The following FOXO3 variants were observed in gnomAD, a reference collection of about 807,000 sequenced individuals.
The protein encoded by FOXO3 is forkhead box protein O3.
FOXO3 carries 4 observed loss-of-function variants against 41.9 expected under a neutral mutation model. The ratio of observed to expected loss-of-function variants is 0.10; its 90% CI spans 0.05 to 0.22. FOXO3 has a LOEUF of 0.22. Ranked by LOEUF, FOXO3 falls within the 10% of genes least tolerant of loss-of-function variation. FOXO3 has a pLI of 1.00. For synonymous variants in FOXO3, 318 were observed against 389.3 expected, an observed-to-expected ratio of 0.82 and a Z score of 2.16; for missense variants, 534 against 906.8, an observed-to-expected ratio of 0.59 and a Z score of 5.28.
In FOXO3 at chr6:108,652,373, C is replaced by T. The variant is rs1422662336; in HGVS notation, c.622-11082C>T. ...GGCTCCAACAAGGCTTGCTTCATGG[C>T]TTATCATTTTTCCACATTTTCCATC... On this transcript the variant is annotated intron_variant, in intron 1 of 2. Transcript: ENST00000406360. Among the ~76,000 whole-genome samples, 4 of 152,190 alleles carry T rather than the reference C, an allele frequency of 2.6e-5. No homozygotes were observed. In the South Asian group the frequency reaches 8.3e-4, roughly 32 times the overall value.
intron 1 of FOXO3, among the ~76,000 whole-genome samples, chr6:108,589,081 C>T (rs1310935085): frequency 6.6e-6 from 1 of 152,070 alleles, no homozygotes; most frequent in South Asian, 2.1e-4. Flanking sequence ...GATGCAAATC[C>T]GTCTTAAGGA....
chr6:108,629,201 A>T (rs965995508), intron 1 of FOXO3, among the ~76,000 whole-genome samples: 1 of 152,218 alleles, frequency 6.6e-6, no homozygotes, highest in African/African-American at 2.4e-5. Context: ...AGCAACAGTC[A>T]GAGGGTGGTG....
intron 1 of FOXO3, among the ~76,000 whole-genome samples, chr6:108,596,748 C>A (rs566298729): frequency 6.6e-6 from 1 of 152,282 alleles, no homozygotes; most frequent in Admixed American, 6.5e-5. Flanking sequence ...CTGGAAAATA[C>A]TTAATATACA....
rs1484797124 is a variant in FOXO3, at chr6:108,610,987, C to CA, written c.621+49164dup. ...AAACATTTCAAACATTTCATCGCCA[C>CA]AAAAAATTCCCTCATGGCTTATTTT... On this transcript the variant is annotated intron_variant, in intron 1 of 2. Transcript: ENST00000406360. Among the ~76,000 whole-genome samples the CA allele has an allele frequency of 6.6e-5, 10 of 152,282 alleles. No individual in the cohort carries two copies. The East Asian group carries it at 1.3e-3, about 21-fold the overall frequency.
At chr6:108,561,878 C>T (rs757206816) in intron 1 of FOXO3, 49 bp downstream of exon 1, 1 of 1,492,234 alleles carries the variant, frequency 6.7e-7, no homozygotes, top group South Asian at 1.3e-5. Context: ...GCCTCCTGCG[C>T]AGCGCGAGAC....
intron 1 of FOXO3, among the ~76,000 whole-genome samples, chr6:108,629,636 C>T (rs1307244508): frequency 6.6e-6 from 1 of 152,040 alleles, no homozygotes; most frequent in Non-Finnish European, 1.5e-5. Flanking sequence ...AGTAAAACCT[C>T]TCCGGCAGAA....
intron 1 of FOXO3, among the ~76,000 whole-genome samples, chr6:108,588,202 G>T (rs151084135): frequency 6.6e-6 from 1 of 152,286 alleles, no homozygotes; most frequent in African/African-American, 2.4e-5. Context: ...CATAAAGTGT[G>T]TGTTGTTTTT....
At chr6:108,572,389 G>A (rs1776126694) in intron 1 of FOXO3, among the ~76,000 whole-genome samples, 1 of 152,198 alleles carries the variant, frequency 6.6e-6, no homozygotes. Context: ...GTGTCCTATG[G>A]TTGGTTCAAG....
intron 1 of FOXO3, among the ~76,000 whole-genome samples, chr6:108,580,679 C>G (rs1776393136): frequency 6.6e-6 from 1 of 152,172 alleles, no homozygotes; most frequent in Non-Finnish European, 1.5e-5. Flanking sequence ...ACCTCACTGG[C>G]TTGTTCTTTT....
In FOXO3 at chr6:108,621,231, A is replaced by G. The variant is rs1158775550; in HGVS notation, c.622-42224A>G. Among the ~76,000 whole-genome samples the G allele has an allele frequency of 2.0e-5, 3 of 152,222 alleles. No homozygotes were observed. In the East Asian group the frequency reaches 5.8e-4, roughly 29 times the overall value. On this transcript the variant is annotated intron_variant, in intron 1 of 2. Transcript: ENST00000406360. Reference sequence around the variant, plus strand: ...GCTTGTATGTCCTCGCTCTGCCTGCAGAGCTAGGAGTGCCCACGAGGAACA... The same window carrying G: ...GCTTGTATGTCCTCGCTCTGCCTGCGGAGCTAGGAGTGCCCACGAGGAACA...
chr6:108,604,076 C>T (rs1264557443), intron 1 of FOXO3, among the ~76,000 whole-genome samples: 1 of 152,016 alleles, frequency 6.6e-6, no homozygotes, highest in East Asian at 1.9e-4. Context: ...ACTACTTTGA[C>T]TAAAAGGATT....
intron 1 of FOXO3, among the ~76,000 whole-genome samples, chr6:108,620,161 A>C (rs1777627104): frequency 6.6e-6 from 1 of 152,152 alleles, no homozygotes; most frequent in African/African-American, 2.4e-5. Context: ...AAATTCTTTT[A>C]TTAGATTTTT....
chr6:108,610,741 T>A (rs1013226461), intron 1 of FOXO3, among the ~76,000 whole-genome samples: 6 of 152,204 alleles, frequency 3.9e-5, no homozygotes, highest in Admixed American at 3.9e-4. Flanking sequence ...GGATAAAAAC[T>A]CTTTTCCTAT....
chr6:108,560,720 C>G (rs1356490446), upstream of FOXO3: 1 of 214,128 alleles, frequency 4.7e-6, no homozygotes, highest in East Asian at 8.8e-5. Flanking sequence ...CGGGCTCTGA[C>G]CGCGGCTCGG....
rs1410186304 is a variant in FOXO3 at position 108,683,851 on chromosome 6, T to G, written c.*4059T>G. 6.6e-6 allele frequency: 1 copy of G among 152,188 alleles called. No individual in the cohort carries two copies. Among genetic ancestry groups the G allele is most frequent in the African/African-American group, 2.4e-5 (1 of 41,436 alleles). 9.4% of individuals were successfully genotyped at this position (152,188 alleles called of 1,614,324 possible). The stretch of plus-strand genomic sequence containing the variant: ...TTTTTGGTAGAAATGCAATCACCAG[T>G]AAAGAGGTACGAAAAAGCTAGCCTC... On this transcript the variant is annotated 3_prime_UTR_variant, in exon 3 of 3. Coordinates refer to ENST00000406360, the MANE Select transcript of FOXO3 (RefSeq NM_001455.4).
chr6:108,670,869 G>A (rs1443981165), intron 2 of FOXO3, among the ~76,000 whole-genome samples: 1 of 152,178 alleles, frequency 6.6e-6, no homozygotes, highest in South Asian at 2.1e-4. Flanking sequence ...TAGCTGCCCG[G>A]CAAAGTGGTA....
At chr6:108,677,879 C>T (rs1770679362) in intron 2 of FOXO3, among the ~76,000 whole-genome samples, 2 of 151,844 alleles carry the variant, frequency 1.3e-5, no homozygotes, top group Admixed American at 1.3e-4. Context: ...ATCAACAAGC[C>T]ATTATTTTAT....
At position 108,681,277 on chromosome 6, in the gene FOXO3, C is replaced by A. The variant is rs1298425926; in HGVS notation, c.*1485C>A. 1 of 152,660 alleles carries A rather than the reference C, an allele frequency of 6.6e-6. No homozygotes were observed. Among genetic ancestry groups the A allele is most frequent in the Non-Finnish European group, 1.5e-5 (1 of 68,036 alleles). The allele number at this position is 152,660 out of a possible 1,614,324, so 9.5% of individuals were successfully genotyped here. ...CAAAGTGATATATGAAGACTCTTTT[C>A]TTTGCATAAAAAGCATTAGGCATAT... On this transcript the variant is annotated 3_prime_UTR_variant, in exon 3 of 3. Transcript: ENST00000406360.
chr6:108,650,420 G>A (rs1778515963), intron 1 of FOXO3, among the ~76,000 whole-genome samples: 1 of 152,168 alleles, frequency 6.6e-6, no homozygotes, highest in Non-Finnish European at 1.5e-5. Context: ...TATTTCTACT[G>A]TGTGTTCAGC....
Sources: gnomAD v4.1 joint callset for allele counts (sites outside exome capture counted in the v4.1 genomes callset) on GRCh38, gnomAD v4.1.1 for gene constraint, MANE v1.5 for transcripts, NCBI Gene and HGNC (gene_info 2026-07-23, HGNC 2026-07-21) for gene names.